GPHN: variants seen among roughly 807,000 people sequenced by gnomAD.
GPHN encodes the protein gephyrin.
A neutral mutation model predicts 95.5 loss-of-function variants in GPHN; 17 were observed. The ratio of observed to expected loss-of-function variants is 0.18; its 90% CI spans 0.12 to 0.27. GPHN has a LOEUF of 0.27. Among genes scored for constraint, GPHN ranks in the 10% least tolerant of loss-of-function variants. The pLI is 1.00. For missense variants in GPHN, 660 were observed against 978.1 expected (o/e 0.67, Z 4.34); for synonymous variants, 320 against 322.5 (o/e 0.99, Z 0.08).
chr14:67,524,923 T>C, the GPHN span, among the ~76,000 whole-genome samples: 2 of 152,172 alleles, frequency 1.3e-5, no homozygotes, highest in Non-Finnish European at 2.9e-5. Context: ...ACTCAAAACG[T>C]TGGCATTAAA....
At chr14:66,997,834 G>T (rs958081640) in intron 9 of GPHN, among the ~76,000 whole-genome samples, 2 of 152,122 alleles carry the variant, frequency 1.3e-5, no homozygotes, top group African/African-American at 4.8e-5. Context: ...AGAAAAGAAA[G>T]CCAAATGAGC....
chr14:67,193,348 A>C, the GPHN span, among the ~76,000 whole-genome samples: 1 of 137,916 alleles, frequency 7.3e-6, no homozygotes, highest in Non-Finnish European at 1.6e-5. Flanking sequence ...ATATCTATCT[A>C]TATAGAGATA....
At chr14:67,077,776 A>G (rs1216834339) in intron 11 of GPHN, among the ~76,000 whole-genome samples, 1 of 152,150 alleles carries the variant, frequency 6.6e-6, no homozygotes, top group Non-Finnish European at 1.5e-5. Context: ...CTAACAACAT[A>G]AAAAGACTAC....
At chr14:67,616,453 T>A in the GPHN span, 2 of 158,572 alleles carry the variant, frequency 1.3e-5, no homozygotes, top group Admixed American at 6.7e-5. Context: ...ATAATTGTTG[T>A]TCTGTTAACT....
chr14:67,708,283 A>G, the GPHN span, among the ~76,000 whole-genome samples: 4 of 152,228 alleles, frequency 2.6e-5, no homozygotes, highest in East Asian at 1.9e-4. Flanking sequence ...TTAGTCTTCT[A>G]TCAGTTTAGT....
At chr14:67,675,701 A>T in the GPHN span, among the ~76,000 whole-genome samples, 1 of 152,154 alleles carries the variant, frequency 6.6e-6, no homozygotes, top group Non-Finnish European at 1.5e-5. Context: ...GGGAATTTAT[A>T]ATCTGGTGTG....
chr14:67,322,817 T>G, the GPHN span, among the ~76,000 whole-genome samples: 1 of 152,228 alleles, frequency 6.6e-6, no homozygotes, highest in Admixed American at 6.5e-5. Context: ...CAATGGCATA[T>G]TCCTATAATC....
chr14:67,709,812 A>C, the GPHN span, among the ~76,000 whole-genome samples: 1 of 152,222 alleles, frequency 6.6e-6, no homozygotes. Flanking sequence ...CAATGTCACA[A>C]GTACTTTAAA....
At chr14:67,312,504 T>G in the GPHN span, 24 of 1,496,856 alleles carry the variant, frequency 1.6e-5, no homozygotes, top group Non-Finnish European at 2.0e-5. Context: ...TTTATTGTTG[T>G]TTTTGCCCTT....
intron 17 of GPHN, among the ~76,000 whole-genome samples, chr14:67,141,923 T>C (rs142822151): frequency 6.6e-6 from 1 of 152,360 alleles, no homozygotes; most frequent in African/African-American, 2.4e-5. Flanking sequence ...CCATGAGATA[T>C]TTGTGAGAAC....
chr14:67,234,947 G>C, the GPHN span, among the ~76,000 whole-genome samples: 3 of 150,216 alleles, frequency 2.0e-5, no homozygotes, highest in Non-Finnish European at 3.0e-5. Context: ...CCTGAGGTCA[G>C]GAGCTGGAGA....
the GPHN span, chr14:67,576,114 C>A: frequency 1.2e-6 from 1 of 850,642 alleles, no homozygotes; most frequent in Non-Finnish European, 1.8e-6. The surrounding 1 kb of genome is among the most constrained non-coding windows in gnomAD (Gnocchi z 4.0). Flanking sequence ...TCCTTTTGGA[C>A]ACTTTGGCAA....
chr14:66,671,324 T>G (rs2066295660), intron 1 of GPHN, among the ~76,000 whole-genome samples: 1 of 152,182 alleles, frequency 6.6e-6, no homozygotes, highest in Admixed American at 6.5e-5. Flanking sequence ...TTAAATAGAC[T>G]TATGGAAATT....
intron 5 of GPHN, among the ~76,000 whole-genome samples, chr14:66,893,709 T>C (rs1171247754): frequency 3.3e-5 from 5 of 152,072 alleles, no homozygotes; most frequent in African/African-American, 1.2e-4. Flanking sequence ...AGCATTCTTA[T>C]ACACCAATAA....
chr14:67,500,355 T>A, the GPHN span, among the ~76,000 whole-genome samples: 1 of 151,414 alleles, frequency 6.6e-6, no homozygotes, highest in Admixed American at 6.6e-5. Context: ...GCGCCTGTAA[T>A]CCCAGCTACT....
At chr14:67,530,914 A>T in the GPHN span, among the ~76,000 whole-genome samples, 1 of 152,168 alleles carries the variant, frequency 6.6e-6, no homozygotes, top group African/African-American at 2.4e-5. Context: ...GCCTCCTCTC[A>T]CCTCTCACGT....
the GPHN span, among the ~76,000 whole-genome samples, chr14:67,368,843 T>G: frequency 1.3e-4 from 19 of 151,658 alleles, no homozygotes; most frequent in Non-Finnish European, 2.4e-4. Context: ...GGCAACATAG[T>G]GAAACTATCT....
the GPHN span, among the ~76,000 whole-genome samples, chr14:67,564,402 A>G: frequency 1.3e-5 from 2 of 152,200 alleles, no homozygotes; most frequent in African/African-American, 2.4e-5. Context: ...ACACAGATGA[A>G]GCATGACTGG....
At chr14:67,301,740 T>C in the GPHN span, among the ~76,000 whole-genome samples, 1 of 152,218 alleles carries the variant, frequency 6.6e-6, no homozygotes, top group Non-Finnish European at 1.5e-5. Context: ...ATCTAGGGTG[T>C]GTAGACCTTT....
Sources: allele counts gnomAD v4.1 joint callset (sites outside exome capture counted in the v4.1 genomes callset), GRCh38; gene constraint gnomAD v4.1.1; non-coding constraint Gnocchi (gnomAD v3.1); transcripts MANE v1.5; gene names NCBI Gene and HGNC (gene_info 2026-07-23, HGNC 2026-07-21).